The following COL5A3 variants were observed in gnomAD, a reference collection of about 807,000 sequenced individuals.
The protein encoded by COL5A3 is collagen type V alpha 3 chain, also known as collagen alpha-3(V) chain.
A neutral mutation model predicts 250.0 loss-of-function variants in COL5A3; 172 were observed. That is an observed-to-expected ratio of 0.69 (90% CI 0.61 to 0.78). The LOEUF (loss-of-function observed/expected upper bound fraction) is 0.78, where lower values mean the gene tolerates loss of function less well. COL5A3 is among the 30% of genes least tolerant of loss of function. The probability of loss-of-function intolerance (pLI) is 0.00; values close to 1 mark genes in which losing one functional copy is unlikely to be tolerated. For synonymous variants in COL5A3, 937 were observed against 900.4 expected, an observed-to-expected ratio of 1.04 and a Z score of -0.73; for missense variants, 2,340 against 2,334.4, an observed-to-expected ratio of 1.00 and a Z score of -0.05.
intron 32 of COL5A3, among the ~76,000 whole-genome samples, chr19:9,981,636 AAATAC>A (rs1182397781): frequency 3.3e-5 from 5 of 152,200 alleles, no homozygotes; most frequent in Non-Finnish European, 7.3e-5. Flanking sequence ...ATAGCAACAC[AAATAC>A]AATACATGCA....
At chr19:9,989,429 C>G in intron 25 of COL5A3, 40 bp downstream of exon 25, 1 of 1,613,806 alleles carries the variant, frequency 6.2e-7, no homozygotes, top group Non-Finnish European at 8.5e-7. Flanking sequence ...CCCAAGGCTC[C>G]CCTTTCTCCT....
chr19:9,963,562 G>GT (rs2086700349), intron 64 of COL5A3, among the ~76,000 whole-genome samples: 1 of 37,302 alleles, frequency 2.7e-5, no homozygotes, highest in African/African-American at 1.4e-4. Flanking sequence ...TGTTTTTTTT[G>GT]GGGGGGGGGG....
At position 9,979,072 on chromosome 19, in the gene COL5A3, T is replaced by C. The variant is rs893254556; in HGVS notation, c.2874+60A>G. On this transcript the variant is annotated intron_variant, in intron 39 of 66. Transcript: ENST00000264828. ...AGGGCCCCCTCCCCCATGAGACTGA[T>C]TCTGAGTCCTTGGTTGATCTTGGAT... 3.1e-5 allele frequency: 46 copies of C among 1,478,538 alleles called. No homozygotes were observed. In the Admixed American group the frequency reaches 9.1e-4, roughly 29 times the overall value. The allele number at this position is 1,478,538 out of a possible 1,614,324, so 91.6% of individuals were successfully genotyped here.
At chr19:9,970,877 G>T in intron 53 of COL5A3, 98 bp downstream of exon 53, 1 of 1,205,238 alleles carries the variant, frequency 8.3e-7, no homozygotes, top group South Asian at 1.6e-5. Flanking sequence ...CAGGGGCCTT[G>T]GGTACCCCAC....
intron 41 of COL5A3, 91 bp from the exon 42 acceptor site, chr19:9,977,792 T>C: frequency 9.4e-7 from 1 of 1,062,384 alleles, no homozygotes. Flanking sequence ...AGTTCTGAGG[T>C]TACCAGGATT....
chr19:10,008,613 T>C (rs2087478495), intron 1 of COL5A3, among the ~76,000 whole-genome samples: 2 of 152,190 alleles, frequency 1.3e-5, no homozygotes, highest in South Asian at 4.1e-4. Flanking sequence ...TGCAAATACG[T>C]GTATGTGCAT....
chr19:9,967,004 G>A (rs1001886249), intron 62 of COL5A3, among the ~76,000 whole-genome samples: 1 of 152,122 alleles, frequency 6.6e-6, no homozygotes, highest in Non-Finnish European at 1.5e-5. Flanking sequence ...GAATAGCAGA[G>A]ACAGGGAGAG....
chr19:10,006,315 G>GT lies in COL5A3; in HGVS notation c.89-85dup, dbSNP rs1200429712. 8 of 1,318,084 alleles carry GT rather than the reference G, an allele frequency of 6.1e-6. No individual in the cohort carries two copies. The East Asian group carries it at 7.6e-5, about 13-fold the overall frequency. The allele number at this position is 1,318,084 out of a possible 1,614,324, so 81.6% of individuals were successfully genotyped here. A position where few individuals can be genotyped will look rare whatever the true frequency, so the allele number is the denominator to read the frequency against. ...CAGGACTCCAGGATAGAGGCTCAGG[G>GT]TTTTTTTAGGGGGCTCAGCCTCTCC... On this transcript the variant is annotated intron_variant, in intron 1 of 66. Coordinates refer to ENST00000264828, the MANE Select transcript of COL5A3 (RefSeq NM_015719.4).
At chr19:9,967,466 CAA>C in intron 61 of COL5A3, 66 bp from the exon 62 acceptor site, 8 of 1,054,770 alleles carry the variant, frequency 7.6e-6, no homozygotes, top group Admixed American at 6.0e-5. Context: ...AACATACACA[CAA>C]ACACACACAC....
chr19:9,999,495 T>A lies in COL5A3; in HGVS notation c.1111-1346A>T, dbSNP rs1406023577. 6.2e-5 allele frequency among the ~76,000 whole-genome samples: 8 copies of A among 129,640 alleles called. No individual in the cohort carries two copies. In the East Asian group the frequency reaches 1.6e-3, roughly 26 times the overall value. The allele number at this position is 129,640 out of a possible 152,430, so 85.0% of individuals were successfully genotyped here. A position where few individuals can be genotyped will look rare whatever the true frequency, so the allele number is the denominator to read the frequency against. On this transcript the variant is annotated intron_variant, in intron 8 of 66. Coordinates refer to ENST00000264828, the MANE Select transcript of COL5A3 (RefSeq NM_015719.4). ...TTTTTTTTTTTTTTTTGAGACAGAG[T>A]CTCCCTCTCGCGCCCAGGCTGAAGT...
chr19:9,965,668 G>T (rs911655006), intron 64 of COL5A3, among the ~76,000 whole-genome samples: 7 of 149,754 alleles, frequency 4.7e-5, no homozygotes, highest in African/African-American at 7.4e-5. Flanking sequence ...GGTCAGCCTT[G>T]TCTCGAACTC....
chr19:9,971,562 C>T (rs1402710803), intron 51 of COL5A3, among the ~76,000 whole-genome samples: 2 of 151,844 alleles, frequency 1.3e-5, no homozygotes, highest in Non-Finnish European at 2.9e-5. Flanking sequence ...TTCATTCACT[C>T]ATTCATTCAT....
chr19:10,006,176 G>C lies in COL5A3; in HGVS notation c.144C>G (p.Pro48=). 2.5e-6 allele frequency: 4 copies of C among 1,608,334 alleles called. No individual in the cohort carries two copies. The highest frequency in any genetic ancestry group is 3.4e-6 in the Non-Finnish European group (4 of 1,177,568). Reference sequence around the variant, plus strand: ...TCTGGGGACAGAAGCCAGGCCCCTCGGGGACCCCAGCCTGGCCTCCCTGCA... The same window carrying C: ...TCTGGGGACAGAAGCCAGGCCCCTCCGGGACCCCAGCCTGGCCTCCCTGCA... ...LGVQGGQAGV[P]EGPGFCPQRT... The change falls in exon 2 of 67, where the codon CCC becomes CCG. Residue 48 remains proline (P), a synonymous_variant. Coordinates refer to ENST00000264828, the MANE Select transcript of COL5A3 (RefSeq NM_015719.4).
At position 10,004,076 on chromosome 19, in the gene COL5A3, G is replaced by A. The variant is rs765497612; in HGVS notation, c.664C>T (p.Pro222Ser). 4 of 1,614,056 alleles carry A rather than the reference G, an allele frequency of 2.5e-6. No individual in the cohort carries two copies. The East Asian group carries it at 6.7e-5, about 27-fold the overall frequency. Reference protein sequence around the residue: ...AAFQACERYLPDCDNLAPAAT... With the variant: ...AAFQACERYLSDCDNLAPAAT... ...GCCGGTGCCAGGTTGTCACAGTCGG[G>A]GAGGTACCGCTCACAAGCCTGGAAG... Residue 222 changes from proline (P) to serine (S), a missense_variant, in exon 5 of 67, where the codon CCC (proline) becomes TCC (serine). Pro to Ser is a moderately conservative substitution (Grantham distance 74). Coordinates refer to ENST00000264828, the MANE Select transcript of COL5A3 (RefSeq NM_015719.4).
rs753642958 is a variant in COL5A3, at chr19:10,005,844, C to T, written c.389G>A (p.Gly130Asp). The T allele has an allele frequency of 1.9e-6, 3 of 1,613,322 alleles. No homozygotes were observed. The highest frequency in any genetic ancestry group is 3.3e-5 in the Admixed American group (2 of 59,988). ...LALGPALGLLGDPFRPLPQQV... is the reference protein window; with the variant it reads ...LALGPALGLLDDPFRPLPQQV... ...CTGGGGGAGGGGGCGGAAGGGGTCACCTAGGAGACCCAGCGCTGGCCCCAG... is the reference window on the plus strand; with the variant it reads ...CTGGGGGAGGGGGCGGAAGGGGTCATCTAGGAGACCCAGCGCTGGCCCCAG... The change falls in exon 3 of 67, where the codon GGT becomes GAT. Residue 130 changes from glycine to aspartate, a missense_variant. By Grantham distance (94) the Gly-to-Asp change is moderately conservative. This residue lies in a region of COL5A3 where 1,152 missense variants were observed against 1,146.3 expected (regional missense o/e 1.00). Transcript: ENST00000264828.
Position 9,978,638 on chromosome 19 carries a change from A to G in COL5A3, c.2965-11T>C. The stretch of plus-strand genomic sequence containing the variant: ...TAAGCCAGTAGGTCCCTGAAGGAGG[A>G]GATAATTCACAGTTAAGAGACTCCC... On this transcript the variant is annotated splice_polypyrimidine_tract_variant and intron_variant, in intron 40 of 66. Coordinates refer to ENST00000264828, the MANE Select transcript of COL5A3 (RefSeq NM_015719.4). 6.5e-7 allele frequency: 1 copy of G among 1,546,050 alleles called. No homozygotes were observed. Among genetic ancestry groups the G allele is most frequent in the Non-Finnish European group, 8.7e-7 (1 of 1,147,606 alleles).
At chr19:9,998,917 T>C (rs1019369181) in intron 8 of COL5A3, among the ~76,000 whole-genome samples, 5 of 151,916 alleles carry the variant, frequency 3.3e-5, no homozygotes, top group African/African-American at 1.2e-4. Context: ...ACTCCTGACT[T>C]AGGTGATCCA....
Position 9,966,392 on chromosome 19 carries a change from C to T in COL5A3, c.4704G>A (p.Ala1568=), listed in dbSNP as rs2086745432. Residue 1568 remains alanine (A), a synonymous_variant, in exon 64 of 67, where the codon GCG becomes GCA. Transcript: ENST00000264828. ...TGCAAAAAACCCTGAACGAGTCCCG[C>T]GCGCAGCCCTGGTTGGGGTCAATCC... is the stretch of plus-strand genomic sequence containing the variant. The part of the protein sequence containing the change: ...EYWIDPNQGC[A]RDSFRVFCNF... 6.2e-7 allele frequency: 1 copy of T among 1,608,966 alleles called. No individual in the cohort carries two copies. Among genetic ancestry groups the T allele is most frequent in the Non-Finnish European group, 8.5e-7 (1 of 1,176,904 alleles).
Position 9,993,405 on chromosome 19 carries a change from C to T in COL5A3, c.1724G>A (p.Gly575Asp). Residue 575 changes from glycine to aspartate, a missense_variant, in exon 19 of 67, where the codon GGT becomes GAT. Physicochemically the swap from Gly to Asp is moderately conservative, Grantham distance 94. Coordinates refer to ENST00000264828, the MANE Select transcript of COL5A3 (RefSeq NM_015719.4). ...CCTCTCACCATCCTCTCCTGGGGGA[C>T]CGGGTTGCCCCACATGGCCAAAGTC... Reference protein sequence around the residue: ...RGDFGHVGQPGPPGEDGERGA... With the variant: ...RGDFGHVGQPDPPGEDGERGA... 1.2e-6 allele frequency: 2 copies of T among 1,614,150 alleles called. No homozygotes were observed. Among genetic ancestry groups the T allele is most frequent in the South Asian group, 2.2e-5 (2 of 91,080 alleles).
Sources: gnomAD v4.1 joint callset for allele counts (sites outside exome capture counted in the v4.1 genomes callset) on GRCh38, gnomAD v4.1.1 for gene constraint, gnomAD v4.1.1 regional missense constraint, MANE v1.5 for transcripts, NCBI Gene and HGNC (gene_info 2026-07-23, HGNC 2026-07-21) for gene names.